The following HIP1 variants were observed in gnomAD, a reference collection of about 807,000 sequenced individuals.
HIP1 encodes the protein huntingtin-interacting protein 1.
HIP1 carries 65 observed loss-of-function variants against 147.6 expected under a neutral mutation model. The observed-to-expected ratio is 0.44, with a 90% CI of 0.36 to 0.54. The LOEUF is 0.54. HIP1 is among the 20% of genes least tolerant of loss of function. The pLI, the probability that HIP1 is intolerant of heterozygous loss-of-function variation, is 0.00. For synonymous variants in HIP1, 479 were observed against 504.0 expected (o/e 0.95, Z 0.67); for missense variants, 1,061 against 1,299.6 (o/e 0.82, Z 2.82).
intron 7 of HIP1, 130 bp downstream of exon 7, chr7:75,581,107 G>A: frequency 1.5e-6 from 1 of 681,024 alleles, no homozygotes; most frequent in Admixed American, 2.5e-5. Flanking sequence ...GAGGGTTGGA[G>A]AGACCAGAGA....
chr7:75,616,085 C>CAAAAAAAAAAAAAAAAAAAAA (rs71098042), intron 1 of HIP1, among the ~76,000 whole-genome samples: 2 of 35,304 alleles, frequency 5.7e-5, no homozygotes, highest in Admixed American at 3.9e-4. Flanking sequence ...GACTCTGTCT[C>CAAAAAAAAAAAAAAAAAAAAA]AAAAAAAAAA....
intron 8 of HIP1, among the ~76,000 whole-genome samples, chr7:75,572,966 T>A (rs368606228): frequency 6.6e-6 from 1 of 152,166 alleles, no homozygotes; most frequent in Non-Finnish European, 1.5e-5. Flanking sequence ...CCCACTCTGA[T>A]CTTAGAGCAA....
chr7:75,684,447 CAAAAAAAAAAA>C (rs59055803), intron 1 of HIP1, among the ~76,000 whole-genome samples: 1 of 43,832 alleles, frequency 2.3e-5, no homozygotes, highest in African/African-American at 8.2e-5. Flanking sequence ...GACTCCGTCT[CAAAAAAAAAAA>C]AAAAAAAAAA....
chr7:75,540,336 G>A (rs1794256813), intron 29 of HIP1, among the ~76,000 whole-genome samples: 1 of 151,558 alleles, frequency 6.6e-6, no homozygotes, highest in Admixed American at 6.6e-5. Context: ...GGCTGAGGTA[G>A]GAGAATCGCT....
chr7:75,582,503 T>C (rs1796093711), intron 5 of HIP1, among the ~76,000 whole-genome samples: 1 of 152,046 alleles, frequency 6.6e-6, no homozygotes, highest in African/African-American at 2.4e-5. Flanking sequence ...GGCATCTACA[T>C]GTACAAGTGG....
intron 2 of HIP1, among the ~76,000 whole-genome samples, chr7:75,598,346 G>C (rs1315342050): frequency 6.7e-6 from 1 of 150,264 alleles, no homozygotes; most frequent in Non-Finnish European, 1.5e-5. Context: ...ACAGTGAGCC[G>C]AGAACATGCC....
chr7:75,605,303 G>A (rs1200392716), intron 1 of HIP1, among the ~76,000 whole-genome samples: 1 of 152,178 alleles, frequency 6.6e-6, no homozygotes, highest in Admixed American at 6.6e-5. Flanking sequence ...GGCAGAGGAA[G>A]TGCCACAAGT....
chr7:75,648,088 G>A (rs1554511354), intron 1 of HIP1, among the ~76,000 whole-genome samples: 1 of 152,248 alleles, frequency 6.6e-6, no homozygotes, highest in East Asian at 1.9e-4. Context: ...GACAGACTCA[G>A]GTGCAAAGCA....
intron 1 of HIP1, among the ~76,000 whole-genome samples, chr7:75,720,518 G>A (rs1162422328): frequency 1.3e-5 from 2 of 152,132 alleles, no homozygotes; most frequent in Non-Finnish European, 2.9e-5. Context: ...GGCTCTAAAG[G>A]CTGACCCCCA....
intron 1 of HIP1, among the ~76,000 whole-genome samples, chr7:75,688,521 G>C (rs781924186): frequency 6.6e-6 from 1 of 152,082 alleles, no homozygotes; most frequent in Admixed American, 6.6e-5. Context: ...ACAGGAAGCC[G>C]CACTAAGGGG....
Position 75,548,989 on chromosome 7 carries a change from T to G in HIP1, c.2308A>C (p.Arg770=), listed in dbSNP as rs782729161. Residue 770 remains arginine (R), a synonymous_variant, in exon 23 of 31, where the codon AGG becomes CGG. Coordinates refer to ENST00000336926, the MANE Select transcript of HIP1 (RefSeq NM_005338.7). The part of the protein sequence containing the change: ...IKAIGEELLP[R]GLDIKQEELG... The stretch of plus-strand genomic sequence containing the variant: ...TCCTCCTGCTTGATGTCCAGTCCCC[T>G]GGGCAGGAGCTCCTGTGAACACATC... The G allele has an allele frequency of 6.2e-7, 1 of 1,613,370 alleles. No homozygotes were observed. Among genetic ancestry groups the G allele is most frequent in the South Asian group, 1.1e-5 (1 of 91,074 alleles).
At chr7:75,677,561 C>T (rs149411071) in intron 1 of HIP1, among the ~76,000 whole-genome samples, 1,477 of 141,630 alleles carry the variant, frequency 0.01, 28 homozygotes, top group African/African-American at 0.035. Context: ...GCCGAGATCG[C>T]GCCACTGTGT....
chr7:75,587,941 GGTGACAGAGCAAGAAACTGTCTCAAA>G (rs1796344731), intron 4 of HIP1, among the ~76,000 whole-genome samples: 2 of 152,048 alleles, frequency 1.3e-5, no homozygotes, highest in Non-Finnish European at 2.9e-5. Flanking sequence ...CTCCAGCCTT[GGTGACAGAGCAAGAAACTGTCTCAAA>G]ACACCACCAC....
intron 1 of HIP1, among the ~76,000 whole-genome samples, chr7:75,664,162 ATT>A (rs201429109): frequency 1.4e-5 from 1 of 70,794 alleles, no homozygotes; most frequent in Admixed American, 1.2e-4. Context: ...ATGTGTGTAT[ATT>A]TACATACATA....
At chr7:75,644,441 T>G (rs1554510830) in intron 1 of HIP1, among the ~76,000 whole-genome samples, 1 of 152,076 alleles carries the variant, frequency 6.6e-6, no homozygotes. Flanking sequence ...ATTACAGGTA[T>G]GCACCACCAC....
chr7:75,554,408 A>G (rs1412518740), intron 20 of HIP1, 32 bp downstream of exon 20: 4 of 1,566,144 alleles, frequency 2.6e-6, no homozygotes, highest in Non-Finnish European at 3.5e-6. Flanking sequence ...GGCCATCACT[A>G]GCCGACAGAG....
At chr7:75,608,014 T>C (rs1797292657) in intron 1 of HIP1, among the ~76,000 whole-genome samples, 1 of 152,130 alleles carries the variant, frequency 6.6e-6, no homozygotes, top group African/African-American at 2.4e-5. Context: ...GTGAAAAGAA[T>C]GAAGGTGTTT....
At chr7:75,656,547 G>A (rs961855372) in intron 1 of HIP1, among the ~76,000 whole-genome samples, 4 of 152,012 alleles carry the variant, frequency 2.6e-5, no homozygotes, top group African/African-American at 7.2e-5. Flanking sequence ...GCATGATCTC[G>A]GCTCACCGCA....
At chr7:75,666,575 C>T (rs1799565690) in intron 1 of HIP1, among the ~76,000 whole-genome samples, 1 of 152,224 alleles carries the variant, frequency 6.6e-6, no homozygotes, top group Non-Finnish European at 1.5e-5. Flanking sequence ...ATATTCTCCA[C>T]TGCGTGGTCT....
Sources: allele counts gnomAD v4.1 joint callset (sites outside exome capture counted in the v4.1 genomes callset), GRCh38; gene constraint gnomAD v4.1.1; transcripts MANE v1.5; gene names NCBI Gene and HGNC (gene_info 2026-07-23, HGNC 2026-07-21).